The following NPNT variants were observed in gnomAD, a reference collection of about 807,000 sequenced individuals.
NPNT encodes the protein nephronectin.
NPNT carries 45 observed loss-of-function variants against 68.6 expected under a neutral mutation model. The observed-to-expected ratio is 0.66, with a 90% CI of 0.52 to 0.84. The LOEUF (loss-of-function observed/expected upper bound fraction) is 0.84. Among genes scored for constraint, NPNT ranks in the 40% least tolerant of loss-of-function variants. NPNT has a pLI of 0.00. For synonymous variants in NPNT, 233 were observed against 253.3 expected, an observed-to-expected ratio of 0.92 and a Z score of 0.76; for missense variants, 672 against 714.8, an observed-to-expected ratio of 0.94 and a Z score of 0.68.
At chr4:105,914,391 A>T (rs1234643176) in intron 2 of NPNT, among the ~76,000 whole-genome samples, 1 of 139,514 alleles carries the variant, frequency 7.2e-6, no homozygotes, top group Non-Finnish European at 1.5e-5. Flanking sequence ...ATAATATATA[A>T]AAATAATATA....
intron 2 of NPNT, among the ~76,000 whole-genome samples, chr4:105,918,345 G>A (rs1727982456): frequency 6.6e-6 from 1 of 152,034 alleles, no homozygotes; most frequent in Admixed American, 6.6e-5. Flanking sequence ...GGTGATGATG[G>A]TTACATTAAA....
rs563019362 is a variant in NPNT, at chr4:105,909,601, CTTG to C, written c.172+11605_172+11607del. On this transcript the variant is annotated intron_variant, in intron 2 of 11. Transcript: ENST00000379987. ...TAGGATCATCCATGTTGCTACTTAACTTGTTGTCCATAGGGTCTGTTGTCCTGG... is the reference window on the plus strand; with the variant it reads ...TAGGATCATCCATGTTGCTACTTAACTTGTCCATAGGGTCTGTTGTCCTGG... Among the ~76,000 whole-genome samples the C allele has an allele frequency of 3.3e-4, 50 of 152,188 alleles. 1 individual carries two copies. The South Asian group carries it at 0.01, about 31-fold the overall frequency.
chr4:105,956,041 G>T (rs1387598309), intron 8 of NPNT, among the ~76,000 whole-genome samples: 1 of 151,814 alleles, frequency 6.6e-6, no homozygotes, highest in Non-Finnish European at 1.5e-5. Flanking sequence ...AAATTAAATG[G>T]TTCTTAGAAA....
In NPNT at chr4:105,952,983, T is replaced by C. The variant is rs553856939; in HGVS notation, c.1160-5488T>C. On this transcript the variant is annotated intron_variant, in intron 8 of 11. Coordinates refer to ENST00000379987, the MANE Select transcript of NPNT (RefSeq NM_001033047.3). ...GAGTTCAAGACCAGCCTGGCCAACA[T>C]GGTGAAACCCTGTCTCTACTAAAAA... is the stretch of plus-strand genomic sequence containing the variant. Among the ~76,000 whole-genome samples, 10 of 152,206 alleles carry C rather than the reference T, an allele frequency of 6.6e-5. 1 individual carries two copies. In the South Asian group the frequency reaches 1.9e-3, roughly 28 times the overall value.
intron 8 of NPNT, among the ~76,000 whole-genome samples, chr4:105,944,882 T>C (rs1277625511): frequency 6.6e-6 from 1 of 152,268 alleles, no homozygotes; most frequent in Admixed American, 6.5e-5. Flanking sequence ...AGTTTTTAAT[T>C]CAGGACAAAT....
At chr4:105,917,212 A>G (rs1482355585) in intron 2 of NPNT, among the ~76,000 whole-genome samples, 1 of 152,220 alleles carries the variant, frequency 6.6e-6, no homozygotes, top group Non-Finnish European at 1.5e-5. Context: ...GCCCAGTCGC[A>G]GTGGACGGCC....
At position 105,970,562 on chromosome 4, in the gene NPNT, A is replaced by C; in HGVS notation, c.*1572A>C. 1 of 679,456 alleles carries C rather than the reference A, an allele frequency of 1.5e-6. No homozygotes were observed. Among genetic ancestry groups the C allele is most frequent in the Non-Finnish European group, 2.7e-6 (1 of 369,326 alleles). 42.1% of individuals were successfully genotyped at this position (679,456 alleles called of 1,614,324 possible). A position where few individuals can be genotyped will look rare whatever the true frequency, so the allele number is the denominator to read the frequency against. Reference sequence around the variant, plus strand: ...CAGCTGTTCTCCATATGCACTAAGAATAGAACAAGAGGAAACTGGCTTAGA... The same window carrying C: ...CAGCTGTTCTCCATATGCACTAAGACTAGAACAAGAGGAAACTGGCTTAGA... On this transcript the variant is annotated 3_prime_UTR_variant, in exon 12 of 12. Transcript: ENST00000379987.
chr4:105,956,533 T>TTTAA (rs1578678110), intron 8 of NPNT, among the ~76,000 whole-genome samples: 1 of 152,110 alleles, frequency 6.6e-6, no homozygotes, highest in East Asian at 1.9e-4. Flanking sequence ...ATATGGTACT[T>TTTAA]TTAAGAGTTG....
intron 2 of NPNT, among the ~76,000 whole-genome samples, chr4:105,898,328 GTCTCTCTCTCTCTCTCTCTCTC>G (rs66945682): frequency 1.1e-4 from 6 of 53,936 alleles, no homozygotes; most frequent in South Asian, 8.3e-4. Flanking sequence ...CTCTCTCTCT[GTCTCTCTCTCTCTCTCTCTCTC>G]TCTCTCTCTC....
At chr4:105,966,054 A>G (rs1732107038) in intron 10 of NPNT, among the ~76,000 whole-genome samples, 1 of 152,234 alleles carries the variant, frequency 6.6e-6, no homozygotes, top group Non-Finnish European at 1.5e-5. Flanking sequence ...ACCAAATTTT[A>G]TCATGTCCTG....
intron 8 of NPNT, among the ~76,000 whole-genome samples, chr4:105,944,529 A>G (rs1022229988): frequency 2.0e-5 from 3 of 152,336 alleles, no homozygotes; most frequent in African/African-American, 7.2e-5. Context: ...ATGCCAATAC[A>G]TATATGAATT....
At chr4:105,964,582 T>C (rs1185247966) in intron 10 of NPNT, among the ~76,000 whole-genome samples, 1 of 152,232 alleles carries the variant, frequency 6.6e-6, no homozygotes, top group Non-Finnish European at 1.5e-5. Context: ...TCTTATAGGT[T>C]AAAAGGAATC....
At chr4:105,931,668 CAAAAAAAAA>C (rs59960189) in intron 3 of NPNT, among the ~76,000 whole-genome samples, 1 of 99,944 alleles carries the variant, frequency 1.0e-5, no homozygotes, top group African/African-American at 3.7e-5. Flanking sequence ...ACTAAAAATA[CAAAAAAAAA>C]AAAAAAAAAA....
chr4:105,931,440 A>T (rs1489257463), intron 3 of NPNT, among the ~76,000 whole-genome samples: 3 of 152,106 alleles, frequency 2.0e-5, no homozygotes, highest in African/African-American at 7.2e-5. Flanking sequence ...GACTAGTTAC[A>T]TCTGAAAGTT....
At chr4:105,934,845 C>T (rs1214265967) in intron 3 of NPNT, among the ~76,000 whole-genome samples, 4 of 152,044 alleles carry the variant, frequency 2.6e-5, no homozygotes, top group Non-Finnish European at 5.9e-5. Flanking sequence ...GTGCTTTTGC[C>T]ATGGGAACGG....
intron 2 of NPNT, among the ~76,000 whole-genome samples, chr4:105,902,948 TCTTAA>T: frequency 6.6e-6 from 1 of 152,168 alleles, no homozygotes; most frequent in Non-Finnish European, 1.5e-5. Context: ...TCTGGCCAGG[TCTTAA>T]CCTTTATGGA....
At chr4:105,962,419 T>C (rs1192760277) in intron 10 of NPNT, among the ~76,000 whole-genome samples, 1 of 152,086 alleles carries the variant, frequency 6.6e-6, no homozygotes, top group Admixed American at 6.5e-5. Context: ...ATAGGATTGA[T>C]GGGTAAAAAA....
At position 105,964,059 on chromosome 4, in the gene NPNT, A is replaced by G. The variant is rs940631454; in HGVS notation, c.1346-3129A>G. The stretch of plus-strand genomic sequence containing the variant: ...ACCTGGTCTGGAACCCAGCACCACC[A>G]CATACTAGCTTTGACCTTGAGCAAG... On this transcript the variant is annotated intron_variant, in intron 10 of 11. Coordinates refer to ENST00000379987, the MANE Select transcript of NPNT (RefSeq NM_001033047.3). Among the ~76,000 whole-genome samples the G allele has an allele frequency of 5.9e-5, 9 of 152,250 alleles. No homozygotes were observed. The South Asian group carries it at 1.9e-3, about 32-fold the overall frequency.
intron 8 of NPNT, among the ~76,000 whole-genome samples, chr4:105,953,345 T>A (rs1730975843): frequency 6.6e-6 from 1 of 152,218 alleles, no homozygotes. Flanking sequence ...CCAATTTTGC[T>A]CTTTACTGTC....
Sources: allele counts gnomAD v4.1 joint callset (sites outside exome capture counted in the v4.1 genomes callset), GRCh38; gene constraint gnomAD v4.1.1; transcripts MANE v1.5; gene names NCBI Gene and HGNC (gene_info 2026-07-23, HGNC 2026-07-21).